IKZF1: variants seen among roughly 807,000 people sequenced by gnomAD.
IKZF1 encodes IKAROS family zinc finger 1.
In IKZF1, 10 loss-of-function variants were observed where a neutral mutation model predicts 51.7. The observed-to-expected ratio is 0.19, with a 90% CI of 0.12 to 0.33. The LOEUF (loss-of-function observed/expected upper bound fraction) is 0.33, where lower values mean the gene tolerates loss of function less well. Ranked by LOEUF, IKZF1 falls within the 10% of genes least tolerant of loss-of-function variation. IKZF1 has a pLI of 1.00. For synonymous variants in IKZF1, 280 were observed against 282.3 expected (o/e 0.99, Z 0.08); for missense variants, 484 against 707.5 (o/e 0.68, Z 3.58).
chr7:50,365,284 A>G (rs1806548615), intron 3 of IKZF1, among the ~76,000 whole-genome samples: 1 of 152,240 alleles, frequency 6.6e-6, no homozygotes, highest in South Asian at 2.1e-4. Flanking sequence ...GTGCCTGAAC[A>G]CGGATGGTAC....
Position 50,320,665 on chromosome 7 carries a change from A to C in IKZF1, c.40+1564A>C, listed in dbSNP as rs1400255809. 3.9e-5 allele frequency among the ~76,000 whole-genome samples: 6 copies of C among 152,296 alleles called. No homozygotes were observed. The East Asian group carries it at 1.2e-3, about 29-fold the overall frequency. On this transcript the variant is annotated intron_variant, in intron 2 of 7. Coordinates refer to ENST00000331340, the MANE Select transcript of IKZF1 (RefSeq NM_006060.6). ...GACAGCAGCATTTGTTAGTTTCCAC[A>C]TGTGAGTGAGAACATGTGGCTTTTT...
intron 3 of IKZF1, chr7:50,367,609 C>T (rs767007909): frequency 6.2e-6 from 1 of 161,080 alleles, no homozygotes; most frequent in Non-Finnish European, 1.4e-5. Flanking sequence ...GCAATCAGCT[C>T]ATTAAGAAAC....
At position 50,400,440 on chromosome 7, in the gene IKZF1, A is replaced by C. The variant is rs1464111154; in HGVS notation, c.1373A>C (p.Gln458Pro). The part of the protein sequence containing the change: ...ALRVVSTSGE[Q>P]MKVYKCEHCR... ...CGCGTGGTCAGCACCAGCGGGGAGC[A>C]GATGAAGGTGTACAAGTGCGAACAC... The change falls in exon 8 of 8, where the codon CAG becomes CCG. Residue 458 changes from glutamine to proline, a missense_variant. By Grantham distance (76) the Gln-to-Pro change is moderately conservative. Transcript: ENST00000331340. This position sits in a 1 kb window ranked among gnomAD's most constrained non-coding sequence, Gnocchi z 5.4. The C allele has an allele frequency of 1.5e-5, 24 of 1,613,826 alleles. No individual in the cohort carries two copies. Among genetic ancestry groups the C allele is most frequent in the Admixed American group, 3.3e-5 (2 of 60,002 alleles).
chr7:50,359,684 A>G (rs1429206457), intron 3 of IKZF1, among the ~76,000 whole-genome samples: 2 of 152,252 alleles, frequency 1.3e-5, no homozygotes, highest in Admixed American at 6.5e-5. Context: ...TCATGTACAC[A>G]TGTGTGTGCA....
chr7:50,391,361 G>T (rs1489857997), intron 6 of IKZF1, among the ~76,000 whole-genome samples: 1 of 152,192 alleles, frequency 6.6e-6, no homozygotes, highest in African/African-American at 2.4e-5. Context: ...GAGGGCTGCT[G>T]TTAGGGACTG....
intron 1 of IKZF1, among the ~76,000 whole-genome samples, chr7:50,311,408 A>G (rs1790143608): frequency 6.6e-6 from 1 of 152,364 alleles, no homozygotes; most frequent in East Asian, 1.9e-4. Flanking sequence ...TAGATACTGT[A>G]TCTAAATAAG....
chr7:50,402,067 A>G lies in IKZF1; in HGVS notation c.*1440A>G. The stretch of plus-strand genomic sequence containing the variant: ...GGTGAGAACCCCGCCCATCCGTGCT[A>G]TGACATGGAGGCACTGAAGCCCGAG... On this transcript the variant is annotated 3_prime_UTR_variant, in exon 8 of 8. Coordinates refer to ENST00000331340, the MANE Select transcript of IKZF1 (RefSeq NM_006060.6). 4.3e-6 allele frequency: 1 copy of G among 230,512 alleles called. No homozygotes were observed. The highest frequency in any genetic ancestry group is 8.6e-6 in the Non-Finnish European group (1 of 116,222). 14.3% of individuals were successfully genotyped at this position (230,512 alleles called of 1,614,324 possible). A position where few individuals can be genotyped will look rare whatever the true frequency, so the allele number is the denominator to read the frequency against.
chr7:50,377,471 G>A (rs908297990), intron 4 of IKZF1: 1 of 152,420 alleles, frequency 6.6e-6, no homozygotes, highest in Non-Finnish European at 1.5e-5. Context: ...TGTCCAGAAA[G>A]GAAGGAACAC....
intron 5 of IKZF1, among the ~76,000 whole-genome samples, chr7:50,387,133 C>T (rs997778386): frequency 2.6e-5 from 4 of 152,184 alleles, no homozygotes; most frequent in Non-Finnish European, 5.9e-5. Flanking sequence ...TAAGACAAAA[C>T]AAGAGTCGCA....
intron 3 of IKZF1, among the ~76,000 whole-genome samples, chr7:50,367,182 G>A (rs1807202222): frequency 6.6e-6 from 1 of 152,202 alleles, no homozygotes; most frequent in South Asian, 2.1e-4. Flanking sequence ...CAGTAGGTCT[G>A]CTTCCCTGCA....
chr7:50,314,083 G>A (rs1376989697), intron 1 of IKZF1, among the ~76,000 whole-genome samples: 1 of 152,172 alleles, frequency 6.6e-6, no homozygotes, highest in East Asian at 1.9e-4. Flanking sequence ...GACATTGTAA[G>A]GCAGTTGTTT....
At chr7:50,317,352 G>A (rs543602555) in intron 1 of IKZF1, among the ~76,000 whole-genome samples, 2 of 152,166 alleles carry the variant, frequency 1.3e-5, no homozygotes, top group African/African-American at 2.4e-5. Context: ...AGTGTGGCAC[G>A]GCTGTTACAA....
intron 3 of IKZF1, among the ~76,000 whole-genome samples, chr7:50,350,574 G>C (rs1801604653): frequency 6.6e-6 from 1 of 152,148 alleles, no homozygotes; most frequent in African/African-American, 2.4e-5. Context: ...GGATAAATTG[G>C]GTTCTGACGG....
rs371713365 is a variant in IKZF1 at position 50,327,681 on chromosome 7, T to C, written c.84T>C (p.Asp28=). Residue 28 remains aspartate, a synonymous_variant, in exon 3 of 8, where the codon GAT becomes GAC. Coordinates refer to ENST00000331340, the MANE Select transcript of IKZF1 (RefSeq NM_006060.6). ...PPVSDTPDEG[D]EPMPIPEDLS... is the part of the protein sequence containing the mutation. ...TAAGCGATACTCCAGATGAGGGCGA[T>C]GAGCCCATGCCGATCCCCGAGGACC... 7 of 1,613,506 alleles carry C rather than the reference T, an allele frequency of 4.3e-6. No homozygotes were observed. The African/African-American group carries it at 9.3e-5, about 22-fold the overall frequency.
intron 3 of IKZF1, among the ~76,000 whole-genome samples, chr7:50,337,133 G>T (rs1408154671): frequency 5.9e-5 from 9 of 152,148 alleles, no homozygotes; most frequent in Non-Finnish European, 8.8e-5. Context: ...CGGCACAGGA[G>T]AGGAGGCAGC....
At position 50,401,104 on chromosome 7, in the gene IKZF1, C is replaced by T; in HGVS notation, c.*477C>T. ...TGGGTCTGCAGGTGAGCAGACAGGA[C>T]AGGTGTGCCGCCACCCAAGTGCCAA... is the stretch of plus-strand genomic sequence containing the variant. On this transcript the variant is annotated 3_prime_UTR_variant, in exon 8 of 8. Coordinates refer to ENST00000331340, the MANE Select transcript of IKZF1 (RefSeq NM_006060.6). 3.8e-6 allele frequency: 1 copy of T among 263,930 alleles called. No individual in the cohort carries two copies. The highest frequency in any genetic ancestry group is 7.2e-6 in the Non-Finnish European group (1 of 139,420). The allele number at this position is 263,930 out of a possible 1,614,324, so 16.3% of individuals were successfully genotyped here. A position where few individuals can be genotyped will look rare whatever the true frequency, so the allele number is the denominator to read the frequency against.
At chr7:50,309,357 A>G (rs368219735) in intron 1 of IKZF1, among the ~76,000 whole-genome samples, 3 of 152,192 alleles carry the variant, frequency 2.0e-5, no homozygotes, top group African/African-American at 7.2e-5. Flanking sequence ...AGGGGATCCA[A>G]TGTGGTCTTG....
chr7:50,331,605 TA>T (rs1796457937), intron 3 of IKZF1, among the ~76,000 whole-genome samples: 1 of 152,200 alleles, frequency 6.6e-6, no homozygotes, highest in South Asian at 2.1e-4. Flanking sequence ...ACCATATTAA[TA>T]AACAAATTGA....
At chr7:50,343,367 T>C (rs1169331774) in intron 3 of IKZF1, among the ~76,000 whole-genome samples, 2 of 152,020 alleles carry the variant, frequency 1.3e-5, no homozygotes, top group Admixed American at 6.6e-5. Context: ...CAAGGACTAG[T>C]GACCAAATTG....
Sources: gnomAD v4.1 joint callset for allele counts (sites outside exome capture counted in the v4.1 genomes callset) on GRCh38, gnomAD v4.1.1 for gene constraint, Gnocchi (gnomAD v3.1) non-coding constraint, MANE v1.5 for transcripts, NCBI Gene and HGNC (gene_info 2026-07-23, HGNC 2026-07-21) for gene names.